PIK3C3: variants seen among roughly 807,000 people sequenced by gnomAD.
PIK3C3 encodes phosphatidylinositol 3-kinase catalytic subunit type 3.
In PIK3C3, 95 loss-of-function variants were observed where a neutral mutation model predicts 126.1. The observed-to-expected ratio is 0.75, with a 90% CI of 0.64 to 0.89. The LOEUF is 0.89. Among genes scored for constraint, PIK3C3 ranks in the 40% least tolerant of loss-of-function variants. PIK3C3 has a pLI of 0.00. For synonymous variants in PIK3C3, 374 were observed against 360.0 expected (o/e 1.04, Z -0.44); for missense variants, 829 against 1,063.2 (o/e 0.78, Z 3.06).
At chr18:41,995,770 T>G (rs1194784121) in intron 7 of PIK3C3, 120 bp from the exon 8 acceptor site, 27 of 690,098 alleles carry the variant, frequency 3.9e-5, no homozygotes, top group South Asian at 3.7e-4. Flanking sequence ...GCTAAAGTTG[T>G]ATCAGAACAA....
chr18:42,065,559 A>G (rs1985500592), intron 23 of PIK3C3, among the ~76,000 whole-genome samples: 1 of 152,242 alleles, frequency 6.6e-6, no homozygotes, highest in African/African-American at 2.4e-5. Context: ...ATTTACTTCC[A>G]CAGCTTCACT....
rs1021999132 is a variant in PIK3C3 at position 42,006,300 on chromosome 18, G to C, written c.1170+1759G>C. On this transcript the variant is annotated intron_variant, in intron 10 of 24. Coordinates refer to ENST00000262039, the MANE Select transcript of PIK3C3 (RefSeq NM_002647.4). ...CAGTATAGCACCCTCCTGGCATGTG[G>C]GTGCATTCTTCTTCACCAACCCAAA... Among the ~76,000 whole-genome samples, 4 of 145,188 alleles carry C rather than the reference G, an allele frequency of 2.8e-5. 1 individual carries two copies. Among genetic ancestry groups the C allele is most frequent in the Admixed American group, 2.1e-4 (3 of 14,154 alleles).
At chr18:42,055,258 C>A (rs891263872) in intron 21 of PIK3C3, among the ~76,000 whole-genome samples, 3 of 152,074 alleles carry the variant, frequency 2.0e-5, no homozygotes, top group South Asian at 2.1e-4. Flanking sequence ...CAGCACATGC[C>A]AGCTCCTTTT....
intron 20 of PIK3C3, among the ~76,000 whole-genome samples, chr18:42,044,931 A>G (rs1227743732): frequency 6.6e-6 from 1 of 152,208 alleles, no homozygotes; most frequent in African/African-American, 2.4e-5. Context: ...TGTTAAGACT[A>G]TATTTAAACT....
chr18:42,014,559 C>T (rs917459944), intron 11 of PIK3C3, among the ~76,000 whole-genome samples: 2 of 152,164 alleles, frequency 1.3e-5, no homozygotes, highest in Non-Finnish European at 2.9e-5. Flanking sequence ...CCAAATCCCA[C>T]ATTTTTTCTA....
At chr18:41,955,723 G>A (rs1979736383) in intron 1 of PIK3C3, among the ~76,000 whole-genome samples, 1 of 152,188 alleles carries the variant, frequency 6.6e-6, no homozygotes. Flanking sequence ...ATTTTGGAAC[G>A]GGGCTTGTAG....
chr18:42,031,517 C>G (rs1193649848), intron 15 of PIK3C3, among the ~76,000 whole-genome samples: 5 of 152,058 alleles, frequency 3.3e-5, no homozygotes, highest in African/African-American at 1.2e-4. Context: ...TTCTGCCTCC[C>G]GTCTTCAAGC....
intron 22 of PIK3C3, among the ~76,000 whole-genome samples, chr18:42,060,635 G>A (rs148213149): frequency 3.3e-5 from 5 of 151,988 alleles, no homozygotes; most frequent in African/African-American, 9.7e-5. Flanking sequence ...AAATTAGCCA[G>A]GTGTGATGGT....
chr18:42,043,662 T>A, intron 19 of PIK3C3, 71 bp from the exon 20 acceptor site: 3 of 961,024 alleles, frequency 3.1e-6, no homozygotes, highest in Admixed American at 1.8e-5. Context: ...CTGGTCACTA[T>A]TTATAGTTTC....
intron 18 of PIK3C3, 53 bp from the exon 19 acceptor site, chr18:42,040,624 T>C: frequency 8.1e-7 from 1 of 1,235,426 alleles, no homozygotes; most frequent in Non-Finnish European, 1.2e-6. Flanking sequence ...AACCTTTATT[T>C]TTATTTCTTA....
In PIK3C3 at chr18:42,018,239, A is replaced by C. The variant is rs117160367; in HGVS notation, c.1417-2399A>C. Among the ~76,000 whole-genome samples, 923 of 152,152 alleles carry C rather than the reference A, an allele frequency of 6.1e-3. 1 individual carries two copies. The highest frequency in any genetic ancestry group is 0.01 in the Non-Finnish European group (707 of 67,948). On this transcript the variant is annotated intron_variant, in intron 12 of 24. Coordinates refer to ENST00000262039, the MANE Select transcript of PIK3C3 (RefSeq NM_002647.4). ...TTTCTTTAAATTGTTTTAAAACCTT[A>C]AAGTATTGCTTACACAGATTGAGTT...
chr18:42,049,077 CAAAT>C (rs925137042), intron 20 of PIK3C3, among the ~76,000 whole-genome samples: 73 of 152,286 alleles, frequency 4.8e-4, no homozygotes, highest in African/African-American at 1.3e-3. Flanking sequence ...CTTTACCACT[CAAAT>C]GAATGCATTT....
chr18:42,004,354 A>T lies in PIK3C3; in HGVS notation c.985-2A>T. ...TAATTTTTAAATATTTTCTGATTTT[A>T]GGCCTTGACAAAATTCTTGAAATGT... On this transcript the variant is annotated splice_acceptor_variant, in intron 9 of 24. Coordinates refer to ENST00000262039, the MANE Select transcript of PIK3C3 (RefSeq NM_002647.4). LOFTEE classifies it high-confidence loss of function. 1 of 1,606,072 alleles carries T rather than the reference A, an allele frequency of 6.2e-7. No homozygotes were observed. Among genetic ancestry groups the T allele is most frequent in the Non-Finnish European group, 8.5e-7 (1 of 1,175,946 alleles).
At position 42,081,306 on chromosome 18, in the gene PIK3C3, T is replaced by C. The variant is rs1311221671; in HGVS notation, c.*169T>C. ...TACCTGAGTTCTGCTTCCTTGGATG[T>C]CATTGCTTAAATATAGTCTTGAAGG... On this transcript the variant is annotated 3_prime_UTR_variant, in exon 25 of 25. Coordinates refer to ENST00000262039, the MANE Select transcript of PIK3C3 (RefSeq NM_002647.4). 1 of 492,088 alleles carries C rather than the reference T, an allele frequency of 2.0e-6. No homozygotes were observed. Among genetic ancestry groups the C allele is most frequent in the Non-Finnish European group, 3.7e-6 (1 of 270,550 alleles). 30.5% of individuals were successfully genotyped at this position (492,088 alleles called of 1,614,324 possible).
intron 1 of PIK3C3, among the ~76,000 whole-genome samples, chr18:41,956,548 CTTTTTTTTTTTT>C (rs57601171): frequency 5.3e-4 from 53 of 100,238 alleles, no homozygotes; most frequent in Middle Eastern, 6.4e-3. Context: ...AAACCGGTCC[CTTTTTTTTTTTT>C]TTTTTTTTTT....
Position 41,957,775 on chromosome 18 carries a change from C to T in PIK3C3, c.257+17C>T. The T allele has an allele frequency of 6.3e-7, 1 of 1,594,066 alleles. No individual in the cohort carries two copies. The highest frequency in any genetic ancestry group is 1.1e-5 in the South Asian group (1 of 89,906). ...AAGATGGAAGTAAGTTTTTTTGTGGCATATGGTATGTTACAGACTGTTCTT... is the reference window on the plus strand; with the variant it reads ...AAGATGGAAGTAAGTTTTTTTGTGGTATATGGTATGTTACAGACTGTTCTT... On this transcript the variant is annotated intron_variant, in intron 2 of 24. Transcript: ENST00000262039.
intron 12 of PIK3C3, among the ~76,000 whole-genome samples, chr18:42,017,132 CT>C (rs1288605252): frequency 6.6e-6 from 1 of 152,030 alleles, no homozygotes; most frequent in Admixed American, 6.6e-5. Flanking sequence ...CTATCTTCCC[CT>C]ATCCCTTCCC....
At chr18:42,018,673 A>G (rs982639369) in intron 12 of PIK3C3, among the ~76,000 whole-genome samples, 6 of 152,080 alleles carry the variant, frequency 3.9e-5, no homozygotes, top group African/African-American at 1.2e-4. Context: ...TAAAAGTTCT[A>G]ATCTGTTGAT....
At chr18:41,956,188 G>T (rs1283589197) in intron 1 of PIK3C3, among the ~76,000 whole-genome samples, 1 of 152,180 alleles carries the variant, frequency 6.6e-6, no homozygotes. Context: ...CAACAAATAT[G>T]TGTCGGTCAA....
Sources: gnomAD v4.1 joint callset for allele counts (sites outside exome capture counted in the v4.1 genomes callset) on GRCh38, gnomAD v4.1.1 for gene constraint, MANE v1.5 for transcripts, NCBI Gene and HGNC (gene_info 2026-07-23, HGNC 2026-07-21) for gene names.